The following EPHB4 variants were observed in gnomAD, a reference collection of about 807,000 sequenced individuals.
The protein encoded by EPHB4 is EPH receptor B4.
In EPHB4, 50 loss-of-function variants were observed where a neutral mutation model predicts 110.6. The observed-to-expected ratio is 0.45, with a 90% CI of 0.36 to 0.57. The LOEUF is 0.57. Among genes scored for constraint, EPHB4 ranks in the 20% least tolerant of loss-of-function variants. EPHB4 has a pLI of 0.00. For synonymous variants in EPHB4, 592 were observed against 578.4 expected, an observed-to-expected ratio of 1.02 and a Z score of -0.34; for missense variants, 1,128 against 1,382.1, an observed-to-expected ratio of 0.82 and a Z score of 2.91.
At chr7:100,815,591 T>C (rs1813048005) in intron 8 of EPHB4, among the ~76,000 whole-genome samples, 2 of 152,154 alleles carry the variant, frequency 1.3e-5, no homozygotes, top group Non-Finnish European at 2.9e-5. Flanking sequence ...ATTCTGTGAA[T>C]GTATCAAAAG....
Position 100,805,157 on chromosome 7 carries a change from A to C in EPHB4, c.2834+9T>G. 6.2e-7 allele frequency: 1 copy of C among 1,611,206 alleles called. No homozygotes were observed. Among genetic ancestry groups the C allele is most frequent in the Non-Finnish European group, 8.5e-7 (1 of 1,178,738 alleles). Reference sequence around the variant, plus strand: ...TCCCAGCCCCACTCCAGCTCCTGCCACTGCTTACTCAGCAGAGATCTGGCT... The same window carrying C: ...TCCCAGCCCCACTCCAGCTCCTGCCCCTGCTTACTCAGCAGAGATCTGGCT... On this transcript the variant is annotated intron_variant, in intron 16 of 16. Transcript: ENST00000358173.
chr7:100,819,622 C>G lies in EPHB4; in HGVS notation c.1232G>C (p.Gly411Ala), dbSNP rs1293223501. 1 of 1,604,786 alleles carries G rather than the reference C, an allele frequency of 6.2e-7. No individual in the cohort carries two copies. Among genetic ancestry groups the G allele is most frequent in the South Asian group, 1.1e-5 (1 of 90,780 alleles). ...GGGCCCCGTGGCTAAGGAGGATACCCCGTTCAATGCAGTGACCTCAAAGGT... is the reference window on the plus strand; with the variant it reads ...GGGCCCCGTGGCTAAGGAGGATACCGCGTTCAATGCAGTGACCTCAAAGGT... ...TYTFEVTALN[G>A]VSSLATGPVP... is the part of the protein sequence containing the mutation. Residue 411 changes from glycine (G) to alanine (A), a missense_variant, in exon 6 of 17, where the codon GGG (glycine) becomes GCG (alanine). Physicochemically the swap from Gly to Ala is moderately conservative, Grantham distance 60. This residue lies in a region of EPHB4 where 728 missense variants were observed against 828.6 expected (regional missense o/e 0.88). Transcript: ENST00000358173.
In EPHB4 at chr7:100,823,653, G is replaced by A; in HGVS notation, c.402C>T (p.Pro134=). 1 of 1,612,300 alleles carries A rather than the reference G, an allele frequency of 6.2e-7. No individual in the cohort carries two copies. Among genetic ancestry groups the A allele is most frequent in the Non-Finnish European group, 8.5e-7 (1 of 1,179,246 alleles). Residue 134 remains proline, a synonymous_variant, in exon 3 of 17, where the codon CCC becomes CCT. Coordinates refer to ENST00000358173, the MANE Select transcript of EPHB4 (RefSeq NM_004444.5). ...TALTPAWMEN[P]YIKVDTVAAE... ...GGGGGCACCCAGGTACCTTGATGTA[G>A]GGGTTCTCCATCCAGGCTGGCGTGA... is the stretch of plus-strand genomic sequence containing the variant.
chr7:100,827,038 C>T lies in EPHB4; in HGVS notation c.-8G>A. 1 of 1,579,798 alleles carries T rather than the reference C, an allele frequency of 6.3e-7. No homozygotes were observed. The highest frequency in any genetic ancestry group is 8.6e-7 in the Non-Finnish European group (1 of 1,163,240). On this transcript the variant is annotated 5_prime_UTR_variant, in exon 1 of 17. Coordinates refer to ENST00000358173, the MANE Select transcript of EPHB4 (RefSeq NM_004444.5). ...CAGCACCCGGAGCTCCATGGCGCCG[C>T]CTCACTCGGGTAGGATCCGAACTGA...
rs904734490 is a variant in EPHB4 at position 100,822,780 on chromosome 7, T to C, written c.412-113A>G. On this transcript the variant is annotated intron_variant, in intron 3 of 16. Transcript: ENST00000358173. The surrounding 1 kb of genome is among the most constrained non-coding windows in gnomAD (Gnocchi z 4.7). ...GACCTCCTTGGTTCCCGTTCCAGAA[T>C]CTTCCCTCCACCTTCCCCAGGGCAC... 7.1e-7 allele frequency: 1 copy of C among 1,406,850 alleles called. No individual in the cohort carries two copies. Among genetic ancestry groups the C allele is most frequent in the Non-Finnish European group, 9.3e-7 (1 of 1,074,810 alleles). 87.1% of individuals were successfully genotyped at this position (1,406,850 alleles called of 1,614,324 possible).
rs201929093 is a variant in EPHB4 at position 100,806,447 on chromosome 7, C to T, written c.2457G>A (p.Arg819=). 2.3e-5 allele frequency: 37 copies of T among 1,613,972 alleles called. No individual in the cohort carries two copies. In the East Asian group the frequency reaches 7.1e-4, roughly 31 times the overall value. ...CCTGATTGCTCATGTCCCAGTACGG[C>T]CTCTCCCCAAATGACATCACCTCCC... is the stretch of plus-strand genomic sequence containing the variant. ...VMWEVMSFGE[R]PYWDMSNQDV... is the part of the protein sequence containing the mutation. The change falls in exon 14 of 17, where the codon AGG becomes AGA. Residue 819 remains arginine, a synonymous_variant. Coordinates refer to ENST00000358173, the MANE Select transcript of EPHB4 (RefSeq NM_004444.5).
At chr7:100,807,686 G>GGC (rs937758137) in intron 12 of EPHB4, 106 bp from the exon 13 acceptor site, 17 of 1,206,660 alleles carry the variant, frequency 1.4e-5, no homozygotes, top group Non-Finnish European at 2.0e-5. Flanking sequence ...CTGTCGCCCA[G>GGC]GCTGGAGTGC....
In EPHB4 at chr7:100,822,656, C is replaced by T; in HGVS notation, c.423G>A (p.Val141=). 1 of 1,570,590 alleles carries T rather than the reference C, an allele frequency of 6.4e-7. No individual in the cohort carries two copies. Among genetic ancestry groups the T allele is most frequent in the South Asian group, 1.2e-5 (1 of 86,814 alleles). Residue 141 remains valine, a synonymous_variant, in exon 4 of 17, where the codon GTG becomes GTA. Transcript: ENST00000358173. This position sits in a 1 kb window ranked among gnomAD's most constrained non-coding sequence, Gnocchi z 4.7. The part of the protein sequence containing the change: ...MENPYIKVDT[V]AAEHLTRKRP... ...GCTTCCGGGTGAGATGCTCCGCGGC[C>T]ACCGTGTCCACCTGCCGGCGGGGGG...
chr7:100,820,585 G>C, intron 4 of EPHB4: 1 of 254,230 alleles, frequency 3.9e-6, no homozygotes, highest in Non-Finnish European at 7.4e-6. Context: ...CTCCAGAGAA[G>C]GGGTCCTCAC....
chr7:100,813,726 A>G lies in EPHB4; in HGVS notation c.1692-10T>C, dbSNP rs1379428581. On this transcript the variant is annotated splice_polypyrimidine_tract_variant and intron_variant, in intron 9 of 16. Coordinates refer to ENST00000358173, the MANE Select transcript of EPHB4 (RefSeq NM_004444.5). ...CCCATTGCTCTGCTTCCTGTAGCCG[A>G]TGGGAAAGGAACAAAAGGTAAACTG... 6.2e-7 allele frequency: 1 copy of G among 1,614,102 alleles called. No individual in the cohort carries two copies.
In EPHB4 at chr7:100,803,348, C is replaced by T; in HGVS notation, c.*113G>A. 7.7e-7 allele frequency: 1 copy of T among 1,293,384 alleles called. No individual in the cohort carries two copies. Among genetic ancestry groups the T allele is most frequent in the Non-Finnish European group, 1.0e-6 (1 of 992,024 alleles). The allele number at this position is 1,293,384 out of a possible 1,614,324, so 80.1% of individuals were successfully genotyped here. On this transcript the variant is annotated 3_prime_UTR_variant, in exon 17 of 17. Transcript: ENST00000358173. ...CTCTCCAAATTGCCAACTCCTCACC[C>T]CACGGGCTCAAAGTGCAATCCAGCG...
At position 100,819,647 on chromosome 7, in the gene EPHB4, T is replaced by C; in HGVS notation, c.1207A>G (p.Thr403Ala). 1.1e-5 allele frequency: 17 copies of C among 1,613,008 alleles called. No individual in the cohort carries two copies. Among genetic ancestry groups the C allele is most frequent in the Non-Finnish European group, 1.4e-5 (16 of 1,179,464 alleles). ...VRGLRPDFTY[T>A]FEVTALNGVS... ...CCGTTCAATGCAGTGACCTCAAAGG[T>C]ATAGGTGAAGTCAGGACGTAGCCCT... Residue 403 changes from threonine (T) to alanine (A), a missense_variant, in exon 6 of 17, where the codon ACC becomes GCC. This residue lies in a region of EPHB4 where 728 missense variants were observed against 828.6 expected (regional missense o/e 0.88). Transcript: ENST00000358173.
At chr7:100,823,985 T>C in intron 2 of EPHB4, 54 bp from the exon 3 acceptor site, 1 of 1,526,418 alleles carries the variant, frequency 6.6e-7, no homozygotes, top group Non-Finnish European at 8.8e-7. Context: ...GGGAGAGGGC[T>C]GCATGGGGTG....
rs371889878 is a variant in EPHB4 at position 100,813,082 on chromosome 7, C to T, written c.1870+13G>A. The T allele has an allele frequency of 2.0e-4, 325 of 1,613,332 alleles. 3 individuals carry two copies. The highest frequency in any genetic ancestry group is 8.2e-4 in the Middle Eastern group (5 of 6,084). On this transcript the variant is annotated intron_variant, in intron 11 of 16. Transcript: ENST00000358173. Reference sequence around the variant, plus strand: ...CTTCGTTCCCAGGTGCCCGGGCAGCCTTCGGCTCTCACCTGCACCAATCAC... The same window carrying T: ...CTTCGTTCCCAGGTGCCCGGGCAGCTTTCGGCTCTCACCTGCACCAATCAC...
intron 2 of EPHB4, 58 bp from the exon 3 acceptor site, chr7:100,823,989 T>TA: frequency 3.3e-6 from 5 of 1,525,386 alleles, no homozygotes; most frequent in South Asian, 1.2e-5. Flanking sequence ...GAGGGCTGCA[T>TA]GGGGTGAATC....
At chr7:100,806,350 C>A (rs1436606660) in intron 14 of EPHB4, 70 bp downstream of exon 14, 1 of 1,541,468 alleles carries the variant, frequency 6.5e-7, no homozygotes. Context: ...CTCTGGGAAC[C>A]CACCCTTCAC....
intron 8 of EPHB4, 47 bp downstream of exon 8, chr7:100,817,145 T>C (rs375614733): frequency 9.7e-5 from 140 of 1,449,374 alleles, no homozygotes; most frequent in Middle Eastern, 1.9e-4. Context: ...CCCAGGAACT[T>C]TGGGGGTCTT....
chr7:100,819,248 G>A (rs142804882), intron 6 of EPHB4, among the ~76,000 whole-genome samples: 8,480 of 152,060 alleles, frequency 0.056, 326 homozygotes, highest in Middle Eastern at 0.15. Context: ...GAGTAGCTGG[G>A]ACCACAGGCA....
intron 12 of EPHB4, 107 bp downstream of exon 12, chr7:100,812,640 G>C (rs746930807): frequency 5.1e-5 from 74 of 1,448,080 alleles, no homozygotes; most frequent in Non-Finnish European, 6.0e-5. Flanking sequence ...GAAAAGGCTG[G>C]AGGAGGTGAC....
Sources: allele counts gnomAD v4.1 joint callset (sites outside exome capture counted in the v4.1 genomes callset), GRCh38; gene constraint gnomAD v4.1.1; regional missense constraint gnomAD v4.1.1; non-coding constraint Gnocchi (gnomAD v3.1); transcripts MANE v1.5; gene names NCBI Gene and HGNC (gene_info 2026-07-23, HGNC 2026-07-21).